The following MAGI2 variants were observed in gnomAD, a reference collection of about 807,000 sequenced individuals.
The protein encoded by MAGI2 is membrane associated guanylate kinase, WW and PDZ domain containing 2.
Under a neutral mutation model 133.3 loss-of-function variants are expected in MAGI2, and 35 were observed. The observed-to-expected ratio is 0.26, with a 90% CI of 0.20 to 0.35. The LOEUF is 0.35. MAGI2 is among the 10% of genes least tolerant of loss of function. The probability of loss-of-function intolerance (pLI) is 1.00; values close to 1 mark genes in which losing one functional copy is unlikely to be tolerated. For synonymous variants in MAGI2, 729 were observed against 710.6 expected (o/e 1.03, Z -0.41); for missense variants, 1,636 against 1,863.4 (o/e 0.88, Z 2.25).
intron 2 of MAGI2, among the ~76,000 whole-genome samples, chr7:78,670,038 T>C (rs1814163363): frequency 6.6e-6 from 1 of 151,454 alleles, no homozygotes; most frequent in African/African-American, 2.4e-5. Flanking sequence ...CTCTCACCAC[T>C]CCTATTCAAC....
At position 78,256,572 on chromosome 7, in the gene MAGI2, A is replaced by G. The variant is rs1282509129; in HGVS notation, c.1418T>C (p.Ile473Thr). ...GACACAAACTTCATTAATATAGACAATGACATCACCTGTAAGAAAAAAAGA... is the reference window on the plus strand; with the variant it reads ...GACACAAACTTCATTAATATAGACAGTGACATCACCTGTAAGAAAAAAAGA... ...QDGKMETGDV[I>T]VYINEVCVLG... The change falls in exon 10 of 22, where the codon ATT becomes ACT. Residue 473 changes from isoleucine (I) to threonine (T), a missense_variant. Transcript: ENST00000354212. The G allele has an allele frequency of 1.2e-6, 2 of 1,611,872 alleles. No homozygotes were observed. The highest frequency in any genetic ancestry group is 1.7e-6 in the Non-Finnish European group (2 of 1,179,172).
intron 21 of MAGI2, among the ~76,000 whole-genome samples, chr7:78,077,212 C>T (rs967342959): frequency 6.6e-6 from 1 of 152,146 alleles, no homozygotes; most frequent in Non-Finnish European, 1.5e-5. Context: ...ATTCAGGTCT[C>T]ACCATGGAGT....
At chr7:78,469,894 T>A (rs1374914008) in intron 6 of MAGI2, among the ~76,000 whole-genome samples, 1 of 152,138 alleles carries the variant, frequency 6.6e-6, no homozygotes, top group Non-Finnish European at 1.5e-5. Flanking sequence ...TGCGTGCATG[T>A]TTTTCTTCCA....
intron 1 of MAGI2, among the ~76,000 whole-genome samples, chr7:79,114,247 T>G (rs931626792): frequency 2.6e-5 from 4 of 152,196 alleles, no homozygotes; most frequent in African/African-American, 9.7e-5. Context: ...TTCCTTATTG[T>G]CTTAGATTAG....
chr7:78,626,456 A>T (rs1049655456), intron 3 of MAGI2, among the ~76,000 whole-genome samples: 1 of 152,178 alleles, frequency 6.6e-6, no homozygotes, highest in Admixed American at 6.5e-5. Context: ...TTTATAGCAG[A>T]TAAATAATGA....
intron 1 of MAGI2, among the ~76,000 whole-genome samples, chr7:79,171,213 G>T (rs1453836623): frequency 3.3e-5 from 5 of 152,062 alleles, no homozygotes; most frequent in African/African-American, 4.8e-5. Context: ...GAAGGCAGTA[G>T]GGAAGGATTT....
At chr7:78,310,371 G>A (rs1422738117) in intron 9 of MAGI2, among the ~76,000 whole-genome samples, 1 of 152,186 alleles carries the variant, frequency 6.6e-6, no homozygotes, top group Non-Finnish European at 1.5e-5. Context: ...GCAGGCGGGG[G>A]TTGCAGTGAG....
chr7:79,004,039 T>C (rs140425061), intron 2 of MAGI2, among the ~76,000 whole-genome samples: 2 of 152,138 alleles, frequency 1.3e-5, no homozygotes, highest in African/African-American at 4.8e-5. Context: ...GGAAAACATA[T>C]GAAGATTTCT....
At chr7:78,432,627 C>T (rs1562987006) in intron 6 of MAGI2, among the ~76,000 whole-genome samples, 3 of 152,012 alleles carry the variant, frequency 2.0e-5, no homozygotes, top group Non-Finnish European at 4.4e-5. Context: ...ACCTCTGGTA[C>T]AACTACTGAG....
chr7:78,938,136 T>C (rs936466807), intron 2 of MAGI2, among the ~76,000 whole-genome samples: 2 of 152,048 alleles, frequency 1.3e-5, no homozygotes, highest in Non-Finnish European at 2.9e-5. Context: ...AATTACCATT[T>C]AATCAGAGAA....
At chr7:78,643,870 A>C (rs917167313) in intron 2 of MAGI2, among the ~76,000 whole-genome samples, 1 of 152,014 alleles carries the variant, frequency 6.6e-6, no homozygotes, top group Non-Finnish European at 1.5e-5. Context: ...CTACACACAC[A>C]CCCCCACACA....
At chr7:78,162,909 G>A (rs1189883838) in intron 15 of MAGI2, among the ~76,000 whole-genome samples, 1 of 152,086 alleles carries the variant, frequency 6.6e-6, no homozygotes, top group African/African-American at 2.4e-5. Context: ...AAGTGAGACG[G>A]TCTTCTTTCC....
chr7:79,251,866 TA>T (rs932644700), intron 1 of MAGI2, among the ~76,000 whole-genome samples: 6 of 148,106 alleles, frequency 4.1e-5, no homozygotes, highest in East Asian at 2.0e-4. Flanking sequence ...TGAATGGATT[TA>T]AAAAAAAAAG....
chr7:79,116,854 C>T (rs1261247645), intron 1 of MAGI2, among the ~76,000 whole-genome samples: 1 of 152,142 alleles, frequency 6.6e-6, no homozygotes, highest in African/African-American at 2.4e-5. Context: ...TCAGCCTCCA[C>T]CATGATTGTA....
Position 78,301,242 on chromosome 7 carries a change from T to G in MAGI2, c.1408+42536A>C, listed in dbSNP as rs1214441541. Among the ~76,000 whole-genome samples the G allele has an allele frequency of 2.0e-4, 31 of 152,166 alleles. 1 individual carries two copies. The highest frequency in any genetic ancestry group is 2.0e-3 in the Admixed American group (31 of 15,262). On this transcript the variant is annotated intron_variant, in intron 9 of 21. Transcript: ENST00000354212. ...ATAAAAGCACTACATGAGAAAAATC[T>G]GGAGCTAGTGACCCGGAGTCAGAAA...
intron 2 of MAGI2, among the ~76,000 whole-genome samples, chr7:78,894,663 T>C (rs954714316): frequency 6.6e-6 from 1 of 152,090 alleles, no homozygotes; most frequent in Non-Finnish European, 1.5e-5. Context: ...AGATTAAAAA[T>C]AGATTTTTGA....
intron 2 of MAGI2, among the ~76,000 whole-genome samples, chr7:78,993,945 C>G (rs577154511): frequency 2.0e-5 from 3 of 152,130 alleles, no homozygotes; most frequent in African/African-American, 7.2e-5. Flanking sequence ...CCAGATATCA[C>G]TCTGCATATT....
In MAGI2 at chr7:78,533,646, C is replaced by T. The variant is rs532615278; in HGVS notation, c.539-12001G>A. On this transcript the variant is annotated intron_variant, in intron 3 of 21. Coordinates refer to ENST00000354212, the MANE Select transcript of MAGI2 (RefSeq NM_012301.4). ...TGTGGCTAGTTCGAGTTGAGATGTGCTGTAAATATAAATTGCACACTAGTT... is the reference window on the plus strand; with the variant it reads ...TGTGGCTAGTTCGAGTTGAGATGTGTTGTAAATATAAATTGCACACTAGTT... 4.6e-5 allele frequency among the ~76,000 whole-genome samples: 7 copies of T among 152,200 alleles called. No individual in the cohort carries two copies. The East Asian group carries it at 5.8e-4, about 13-fold the overall frequency.
At chr7:78,565,035 C>T (rs1003315471) in intron 3 of MAGI2, among the ~76,000 whole-genome samples, 8 of 151,826 alleles carry the variant, frequency 5.3e-5, no homozygotes, top group Non-Finnish European at 1.2e-4. Context: ...CCTTGTGATC[C>T]GTCTGCCTCA....
Sources: gnomAD v4.1 joint callset for allele counts (sites outside exome capture counted in the v4.1 genomes callset) on GRCh38, gnomAD v4.1.1 for gene constraint, MANE v1.5 for transcripts, NCBI Gene and HGNC (gene_info 2026-07-23, HGNC 2026-07-21) for gene names.